OPCML: variants seen among roughly 807,000 people sequenced by gnomAD.
OPCML encodes opioid-binding protein/cell adhesion molecule.
OPCML carries 13 observed loss-of-function variants against 37.8 expected under a neutral mutation model. The observed-to-expected ratio is 0.34, with a 90% CI of 0.22 to 0.55. The LOEUF is 0.55. Among genes scored for constraint, OPCML ranks in the 20% least tolerant of loss-of-function variants. The pLI is 0.91. For synonymous variants in OPCML, 176 were observed against 168.8 expected, an observed-to-expected ratio of 1.04 and a Z score of -0.33; for missense variants, 341 against 435.6, an observed-to-expected ratio of 0.78 and a Z score of 1.93.
Position 133,453,044 on chromosome 11 carries a change from C to CAA in OPCML, c.61+79218_61+79219dup, listed in dbSNP as rs907144441. ...CCAAAACTTTTTACTGTGCCACATACAAAGGCTCAGAGACACATCGAACTG... is the reference window on the plus strand; with the variant it reads ...CCAAAACTTTTTACTGTGCCACATACAAAAAGGCTCAGAGACACATCGAACTG... On this transcript the variant is annotated intron_variant, in intron 1 of 7. Transcript: ENST00000524381. Among the ~76,000 whole-genome samples the CAA allele has an allele frequency of 9.2e-5, 14 of 152,284 alleles. 1 individual carries two copies. The highest frequency in any genetic ancestry group is 2.9e-4 in the African/African-American group (12 of 41,566).
chr11:132,949,194 G>C (rs930654143), intron 1 of OPCML, among the ~76,000 whole-genome samples: 1 of 152,144 alleles, frequency 6.6e-6, no homozygotes, highest in Non-Finnish European at 1.5e-5. Context: ...TACATGAAAC[G>C]TAAGGCGACC....
At chr11:132,995,164 C>A (rs1946858447) in intron 1 of OPCML, among the ~76,000 whole-genome samples, 2 of 152,174 alleles carry the variant, frequency 1.3e-5, no homozygotes, top group African/African-American at 4.8e-5. Context: ...TCAGAGAGAG[C>A]TTTGCCAAGA....
intron 1 of OPCML, among the ~76,000 whole-genome samples, chr11:133,389,548 GAATAA>G (rs1166641437): frequency 1.3e-5 from 2 of 152,140 alleles, no homozygotes; most frequent in Non-Finnish European, 2.9e-5. Flanking sequence ...TGCAGTACTT[GAATAA>G]AATAGATGTT....
Position 133,459,879 on chromosome 11 carries a change from C to T in OPCML, c.61+72385G>A, listed in dbSNP as rs548612210. ...ACATTATAACCAACTGGACCTGACA[C>T]ACATATACTTAACACTTCACCCAGC... On this transcript the variant is annotated intron_variant, in intron 1 of 7. Coordinates refer to ENST00000524381, the MANE Select transcript of OPCML (RefSeq NM_001012393.5). 1.1e-4 allele frequency among the ~76,000 whole-genome samples: 17 copies of T among 152,016 alleles called. 1 individual carries two copies. The highest frequency in any genetic ancestry group is 2.2e-4 in the Non-Finnish European group (15 of 67,898).
intron 1 of OPCML, among the ~76,000 whole-genome samples, chr11:133,182,528 G>T (rs775106384): frequency 6.6e-6 from 1 of 152,158 alleles, no homozygotes; most frequent in African/African-American, 2.4e-5. Context: ...GAAAGCAGCC[G>T]CCTGGATGCT....
intron 3 of OPCML, among the ~76,000 whole-genome samples, chr11:132,544,552 C>T (rs1479675730): frequency 1.3e-5 from 2 of 152,142 alleles, no homozygotes; most frequent in Non-Finnish European, 2.9e-5. Flanking sequence ...ACATTAAGTA[C>T]AGAGGCAGCC....
chr11:133,496,159 T>G (rs1230637981), intron 1 of OPCML, among the ~76,000 whole-genome samples: 2 of 152,170 alleles, frequency 1.3e-5, no homozygotes, highest in East Asian at 3.8e-4. Flanking sequence ...GAAAAGGGTG[T>G]CTTTTCCCAC....
intron 2 of OPCML, among the ~76,000 whole-genome samples, chr11:132,882,025 C>G (rs962949572): frequency 6.6e-6 from 1 of 152,176 alleles, no homozygotes; most frequent in African/African-American, 2.4e-5. Flanking sequence ...AGACTTAACC[C>G]AACTTTTTCC....
chr11:133,456,868 T>G (rs577238798), intron 1 of OPCML, among the ~76,000 whole-genome samples: 195 of 151,386 alleles, frequency 1.3e-3, no homozygotes, highest in African/African-American at 4.6e-3. Flanking sequence ...ATTAAAAAAT[T>G]AACTCTTGCT....
At chr11:133,382,592 G>T (rs979585140) in intron 1 of OPCML, among the ~76,000 whole-genome samples, 2 of 152,198 alleles carry the variant, frequency 1.3e-5, no homozygotes, top group African/African-American at 4.8e-5. Flanking sequence ...CGTCTAGGCT[G>T]GGCATTTCTA....
intron 1 of OPCML, among the ~76,000 whole-genome samples, chr11:133,194,187 CCCTTT>C (rs1418972248): frequency 6.6e-6 from 1 of 150,772 alleles, no homozygotes; most frequent in East Asian, 1.9e-4. Context: ...CCCTTCCCTT[CCCTTT>C]CCCCTTCCCC....
chr11:133,200,864 A>G (rs1938750578), intron 1 of OPCML, among the ~76,000 whole-genome samples: 1 of 152,230 alleles, frequency 6.6e-6, no homozygotes, highest in Non-Finnish European at 1.5e-5. Flanking sequence ...ACAATAGCAA[A>G]GACATGGAAT....
At chr11:132,866,353 T>C (rs763836281) in intron 2 of OPCML, among the ~76,000 whole-genome samples, 1 of 152,236 alleles carries the variant, frequency 6.6e-6, no homozygotes, top group Non-Finnish European at 1.5e-5. Flanking sequence ...CAAATGCTAC[T>C]TGTGATCCTA....
intron 1 of OPCML, among the ~76,000 whole-genome samples, chr11:133,304,691 C>G (rs1024776827): frequency 1.3e-5 from 2 of 152,122 alleles, no homozygotes; most frequent in African/African-American, 4.8e-5. Context: ...GGAAGGTACC[C>G]TAAAAATCCC....
intron 1 of OPCML, among the ~76,000 whole-genome samples, chr11:133,104,532 A>G (rs1450424664): frequency 1.3e-5 from 2 of 152,260 alleles, no homozygotes; most frequent in African/African-American, 2.4e-5. Flanking sequence ...CTGCCTGTCT[A>G]TGCTTTGAAA....
chr11:133,008,518 C>T (rs531899753), intron 1 of OPCML: 63 of 807,200 alleles, frequency 7.8e-5, no homozygotes, highest in Admixed American at 6.2e-5. Context: ...CAGGAATATT[C>T]GCTGTGGAAG....
At chr11:133,246,565 G>A (rs952797657) in intron 1 of OPCML, among the ~76,000 whole-genome samples, 7 of 152,222 alleles carry the variant, frequency 4.6e-5, no homozygotes, top group African/African-American at 1.7e-4. Context: ...TGCACACTGT[G>A]TCAGGGCCCA....
chr11:133,140,949 C>CGAAGAAGAAGAA (rs1301893070), intron 1 of OPCML, among the ~76,000 whole-genome samples: 1 of 2,926 alleles, frequency 3.4e-4, no homozygotes. Context: ...AAGAAGACGA[C>CGAAGAAGAAGAA]GAAGAAGAAG....
intron 2 of OPCML, among the ~76,000 whole-genome samples, chr11:132,729,765 G>T (rs866707902): frequency 2.6e-5 from 4 of 152,238 alleles, no homozygotes; most frequent in African/African-American, 9.6e-5. Flanking sequence ...ACATCAGACC[G>T]CCTTTGTTGG....
Sources: allele counts gnomAD v4.1 joint callset (sites outside exome capture counted in the v4.1 genomes callset), GRCh38; gene constraint gnomAD v4.1.1; transcripts MANE v1.5; gene names NCBI Gene and HGNC (gene_info 2026-07-23, HGNC 2026-07-21).